The following VARS1 variants were observed in gnomAD, a reference collection of about 807,000 sequenced individuals.
The protein encoded by VARS1 is valyl-tRNA synthetase 1.
In VARS1, 92 loss-of-function variants were observed where a neutral mutation model predicts 161.0. The ratio of observed to expected loss-of-function variants is 0.57; its 90% CI spans 0.48 to 0.68. VARS1 has a LOEUF of 0.68. Ranked by LOEUF, VARS1 falls within the 30% of genes least tolerant of loss-of-function variation. The pLI is 0.00. For synonymous variants in VARS1, 595 were observed against 682.5 expected (o/e 0.87, Z 2.00); for missense variants, 1,338 against 1,695.9 (o/e 0.79, Z 3.71).
intron 14 of VARS1, 49 bp downstream of exon 14, chr6:31,783,047 G>C (rs772973638): frequency 1.3e-6 from 2 of 1,598,610 alleles, no homozygotes; most frequent in East Asian, 2.2e-5. Context: ...GACAGCTAGG[G>C]TGCAGCTCCA....
In VARS1 at chr6:31,794,927, T is replaced by C; in HGVS notation, c.291A>G (p.Gln97=). ...CCGTGTCGGCGTAACTGACCCACTG[T>C]TGGACAAGGACAGCCGCCCGGCTGC... ...PGGSRAAVLV[Q]QWVSYADTEL... is the part of the protein sequence containing the mutation. The change falls in exon 2 of 30, where the codon CAA becomes CAG. Residue 97 remains glutamine (Q), a synonymous_variant. Transcript: ENST00000375663. 1 of 1,612,740 alleles carries C rather than the reference T, an allele frequency of 6.2e-7. No individual in the cohort carries two copies. Among genetic ancestry groups the C allele is most frequent in the Non-Finnish European group, 8.5e-7 (1 of 1,179,894 alleles).
At position 31,782,012 on chromosome 6, in the gene VARS1, TC is replaced by T; in HGVS notation, c.2242-61del. 1.2e-6 allele frequency: 2 copies of T among 1,610,868 alleles called. No homozygotes were observed. The highest frequency in any genetic ancestry group is 8.5e-7 in the Non-Finnish European group (1 of 1,178,362). ...GTCTGCTTCTGGCTCACCCTGCCCC[TC>T]CCCCCACCAAGGACCCAGTAAACCC... is the stretch of plus-strand genomic sequence containing the variant. On this transcript the variant is annotated intron_variant, in intron 18 of 29. Transcript: ENST00000375663. The surrounding 1 kb of genome is among the most constrained non-coding windows in gnomAD (Gnocchi z 8.3).
chr6:31,777,815 T>G lies in VARS1; in HGVS notation c.3727-153A>C. On this transcript the variant is annotated intron_variant, in intron 29 of 29. Transcript: ENST00000375663. This position sits in a 1 kb window ranked among gnomAD's most constrained non-coding sequence, Gnocchi z 5.8. ...CCTGGCTGGCCTGGCTCCCCACCCA[T>G]TCCCACCAGCACCCCCACTTCCACC... 1 of 764,250 alleles carries G rather than the reference T, an allele frequency of 1.3e-6. No homozygotes were observed. Among genetic ancestry groups the G allele is most frequent in the Non-Finnish European group, 2.2e-6 (1 of 462,390 alleles). 47.3% of individuals were successfully genotyped at this position (764,250 alleles called of 1,614,324 possible).
rs1812942713 is a variant in VARS1 at position 31,779,142 on chromosome 6, C to T, written c.3551G>A (p.Arg1184His). Residue 1184 changes from arginine (R) to histidine (H), a missense_variant, in exon 29 of 30, where the codon CGC becomes CAC. Arg to His is a conservative substitution (Grantham distance 29). Transcript: ENST00000375663. This position sits in a 1 kb window ranked among gnomAD's most constrained non-coding sequence, Gnocchi z 9.1. ...QGCAVALASD[R>H]CSIHLQLQGL... ...CTGAAGCTGCAGGTGGATGGAGCAG[C>T]GATCAGAAGCCAGAGCCACAGCGCA... The T allele has an allele frequency of 2.5e-6, 4 of 1,605,004 alleles. No homozygotes were observed. Among genetic ancestry groups the T allele is most frequent in the Non-Finnish European group, 3.4e-6 (4 of 1,176,164 alleles).
At position 31,785,643 on chromosome 6, in the gene VARS1, C is replaced by T. The variant is rs772713093; in HGVS notation, c.1191G>A (p.Trp397Ter). 1 of 1,613,028 alleles carries T rather than the reference C, an allele frequency of 6.2e-7. No homozygotes were observed. Residue 397 changes from tryptophan (W) to a stop codon, truncating the protein, a stop_gained, in exon 9 of 30, where the codon TGG becomes TGA. Coordinates refer to ENST00000375663, the MANE Select transcript of VARS1 (RefSeq NM_006295.3). LOFTEE classifies it high-confidence loss of function. This position sits in a 1 kb window ranked among gnomAD's most constrained non-coding sequence, Gnocchi z 6.1. ...ATQVVVEKKLWREQGLSRHQL... is the reference protein window; with the variant it reads ...ATQVVVEKKL The stretch of plus-strand genomic sequence containing the variant: ...GGTGCCGGCTCAGTCCCTGCTCACG[C>T]CATAGCTTCTTCTCCACCACCACCT...
intron 8 of VARS1, among the ~76,000 whole-genome samples, chr6:31,786,787 T>C (rs1480333465): frequency 6.7e-6 from 1 of 150,158 alleles, no homozygotes; most frequent in Non-Finnish European, 1.5e-5. Context: ...TGGAAACAGA[T>C]ACAAGCAAAT....
Position 31,791,580 on chromosome 6 carries a change from A to G in VARS1, c.1100+30T>C, listed in dbSNP as rs1813869783. 2 of 1,588,908 alleles carry G rather than the reference A, an allele frequency of 1.3e-6. No homozygotes were observed. Among genetic ancestry groups the G allele is most frequent in the Non-Finnish European group, 1.7e-6 (2 of 1,167,306 alleles). On this transcript the variant is annotated intron_variant, in intron 8 of 29. Transcript: ENST00000375663. This position sits in a 1 kb window ranked among gnomAD's most constrained non-coding sequence, Gnocchi z 5.0. Reference sequence around the variant, plus strand: ...GGAGAGAGCCAGACTAGGCAGAGGGAACCAGAGGAAGGTGCAGATAGAAGC... The same window carrying G: ...GGAGAGAGCCAGACTAGGCAGAGGGGACCAGAGGAAGGTGCAGATAGAAGC...
Position 31,779,925 on chromosome 6 carries a change from T to G in VARS1, c.3081+73A>C. 1.2e-6 allele frequency: 2 copies of G among 1,604,496 alleles called. No individual in the cohort carries two copies. Among genetic ancestry groups the G allele is most frequent in the Non-Finnish European group, 8.5e-7 (1 of 1,174,870 alleles). ...TTGGCTTAGGTCTCAAGGCCAACTC[T>G]GGCAAAACTGAGCCCAGGGCTCTGC... On this transcript the variant is annotated intron_variant, in intron 26 of 29. Transcript: ENST00000375663. The surrounding 1 kb of genome is among the most constrained non-coding windows in gnomAD (Gnocchi z 9.1).
At position 31,781,377 on chromosome 6, in the gene VARS1, C is replaced by A; in HGVS notation, c.2544+104G>T. 2 of 1,499,382 alleles carry A rather than the reference C, an allele frequency of 1.3e-6. No individual in the cohort carries two copies. The highest frequency in any genetic ancestry group is 1.3e-5 in the South Asian group (1 of 78,456). The allele number at this position is 1,499,382 out of a possible 1,614,324, so 92.9% of individuals were successfully genotyped here. On this transcript the variant is annotated intron_variant, in intron 21 of 29. Transcript: ENST00000375663. The surrounding 1 kb of genome is among the most constrained non-coding windows in gnomAD (Gnocchi z 6.8). ...CACACCAGCCCCCGGGTCAGGCCTG[C>A]CCACAGCTAACCCCATGCCCCAGCC...
intron 6 of VARS1, 82 bp downstream of exon 6, chr6:31,792,135 T>G (rs1813912145): frequency 3.9e-6 from 6 of 1,547,874 alleles, no homozygotes; most frequent in Non-Finnish European, 5.3e-6. Flanking sequence ...CCAAACAAAG[T>G]GGTGAGAGCA....
intron 2 of VARS1, among the ~76,000 whole-genome samples, chr6:31,794,044 C>T (rs918399045): frequency 1.1e-4 from 16 of 148,360 alleles, no homozygotes; most frequent in South Asian, 4.2e-4. Context: ...TGAGATCGCA[C>T]CATCGCACCG....
intron 4 of VARS1, 49 bp from the exon 5 acceptor site, chr6:31,792,565 G>A: frequency 6.2e-7 from 1 of 1,612,660 alleles, no homozygotes. Flanking sequence ...GGACCCTCTT[G>A]GACGGCCATA....
intron 13 of VARS1, among the ~76,000 whole-genome samples, chr6:31,783,419 A>G (rs1813291971): frequency 6.6e-6 from 1 of 152,124 alleles, no homozygotes; most frequent in Non-Finnish European, 1.5e-5. Flanking sequence ...CTGAGGCACA[A>G]GTACTGCTTG....
Position 31,794,901 on chromosome 6 carries a change from T to G in VARS1, c.317A>C (p.Glu106Ala). 6.2e-7 allele frequency: 1 copy of G among 1,612,640 alleles called. No homozygotes were observed. The highest frequency in any genetic ancestry group is 8.5e-7 in the Non-Finnish European group (1 of 1,179,910). Residue 106 changes from glutamate (E) to alanine (A), a missense_variant, in exon 2 of 30, where the codon GAG (glutamate) becomes GCG (alanine). Around this residue, in one of 3 missense-constraint regions of VARS1, gnomAD observed 902 missense variants for 1,090.3 expected, o/e 0.83. Transcript: ENST00000375663. Reference protein sequence around the residue: ...VQQWVSYADTELIPAACGATL... With the variant: ...VQQWVSYADTALIPAACGATL... ...TGCTCCACAGGCAGCTGGTATTAAC[T>G]CCGTGTCGGCGTAACTGACCCACTG...
Position 31,792,394 on chromosome 6 carries a change from C to T in VARS1, c.784G>A (p.Glu262Lys). Residue 262 changes from glutamate to lysine, a missense_variant and splice_region_variant, in exon 5 of 30, where the codon GAG (glutamate) becomes AAG (lysine). Coordinates refer to ENST00000375663, the MANE Select transcript of VARS1 (RefSeq NM_006295.3). ...KIQQQQPPPG[E>K]KKPKPEKREK... ...TTCCAGCTCCACCCTCGCCTCACCT[C>T]CCCTGGAGGTGGCTGCTGCTGTTGG... 6.2e-7 allele frequency: 1 copy of T among 1,614,030 alleles called. No individual in the cohort carries two copies.
At position 31,794,749 on chromosome 6, in the gene VARS1, C is replaced by T. The variant is rs2151437208; in HGVS notation, c.387+82G>A. 4.1e-6 allele frequency: 6 copies of T among 1,471,420 alleles called. No individual in the cohort carries two copies. In the South Asian group the frequency reaches 5.6e-5, roughly 14 times the overall value. The allele number at this position is 1,471,420 out of a possible 1,614,324, so 91.1% of individuals were successfully genotyped here. A position where few individuals can be genotyped will look rare whatever the true frequency, so the allele number is the denominator to read the frequency against. On this transcript the variant is annotated intron_variant, in intron 2 of 29. Transcript: ENST00000375663. ...TCTTTTCCCACATCTGATGTACTAC[C>T]TTCTTGTCTCATTGTCCATTCCAGT...
chr6:31,782,578 C>G lies in VARS1; in HGVS notation c.1943G>C (p.Gly648Ala). 1 of 1,613,086 alleles carries G rather than the reference C, an allele frequency of 6.2e-7. No individual in the cohort carries two copies. Among genetic ancestry groups the G allele is most frequent in the Non-Finnish European group, 8.5e-7 (1 of 1,180,026 alleles). The change falls in exon 16 of 30, where the codon GGA becomes GCA. Residue 648 changes from glycine to alanine, a missense_variant. Physicochemically the swap from Gly to Ala is moderately conservative, Grantham distance 60. Around this residue, in one of 3 missense-constraint regions of VARS1, gnomAD observed 902 missense variants for 1,090.3 expected, o/e 0.83. Coordinates refer to ENST00000375663, the MANE Select transcript of VARS1 (RefSeq NM_006295.3). The surrounding 1 kb of genome is among the most constrained non-coding windows in gnomAD (Gnocchi z 8.3). ...KAVLVALKER[G>A]LFRGIEDNPM... ...GTTGTCCTCAATGCCACGGAACAGT[C>G]CCCGCTCCTTCAGCGCCACCAGCAC...
chr6:31,787,062 CAAAAAA>C (rs70990276), intron 8 of VARS1, among the ~76,000 whole-genome samples: 1 of 70,870 alleles, frequency 1.4e-5, no homozygotes, highest in East Asian at 3.9e-4. Flanking sequence ...CTAGTCTCTG[CAAAAAA>C]AAAAAAAAAA....
chr6:31,785,213 T>C lies in VARS1; in HGVS notation c.1347+33A>G. ...GGTCCCACCCTGGGGAGACTCCTAC[T>C]CCTGCCCCAGCTTTGACACTCCTCC... On this transcript the variant is annotated intron_variant, in intron 10 of 29. Coordinates refer to ENST00000375663, the MANE Select transcript of VARS1 (RefSeq NM_006295.3). This position sits in a 1 kb window ranked among gnomAD's most constrained non-coding sequence, Gnocchi z 6.1. The C allele has an allele frequency of 6.2e-7, 1 of 1,612,452 alleles. No homozygotes were observed. The highest frequency in any genetic ancestry group is 8.5e-7 in the Non-Finnish European group (1 of 1,179,504).
Sources: allele counts gnomAD v4.1 joint callset (sites outside exome capture counted in the v4.1 genomes callset), GRCh38; gene constraint gnomAD v4.1.1; regional missense constraint gnomAD v4.1.1; non-coding constraint Gnocchi (gnomAD v3.1); transcripts MANE v1.5; gene names NCBI Gene and HGNC (gene_info 2026-07-23, HGNC 2026-07-21).